The following FANCL variants were observed in gnomAD, a reference collection of about 807,000 sequenced individuals.
The protein encoded by FANCL is E3 ubiquitin-protein ligase FANCL.
FANCL carries 69 observed loss-of-function variants against 59.4 expected under a neutral mutation model. The ratio of observed to expected loss-of-function variants is 1.16; its 90% CI spans 0.96 to 1.42. The LOEUF is 1.42. Among genes scored for constraint, FANCL ranks in the 40% most tolerant of loss-of-function variants. The pLI, the probability that FANCL is intolerant of heterozygous loss-of-function variation, is 0.00. For synonymous variants in FANCL, 180 were observed against 147.1 expected, an observed-to-expected ratio of 1.22 and a Z score of -1.62; for missense variants, 519 against 447.2, an observed-to-expected ratio of 1.16 and a Z score of -1.45.
intron 1 of FANCL, among the ~76,000 whole-genome samples, chr2:58,238,353 C>T (rs1047981784): frequency 1.3e-5 from 2 of 152,120 alleles, no homozygotes; most frequent in African/African-American, 4.8e-5. Context: ...CCAAGTTGTT[C>T]GCAAATTTCA....
chr2:58,208,048 G>C (rs954870121), intron 5 of FANCL, among the ~76,000 whole-genome samples: 9 of 152,192 alleles, frequency 5.9e-5, no homozygotes, highest in African/African-American at 2.2e-4. Flanking sequence ...GAAAGACAGA[G>C]ACCATGTCAC....
intron 1 of FANCL, among the ~76,000 whole-genome samples, 183 bp downstream of exon 1, chr2:58,241,035 G>C (rs1158304612): frequency 2.0e-5 from 3 of 152,180 alleles, no homozygotes; most frequent in African/African-American, 7.2e-5. Flanking sequence ...CCAGCGCGGC[G>C]ACCACCGGGG....
chr2:58,200,577 T>A (rs919120571), intron 6 of FANCL, among the ~76,000 whole-genome samples: 2 of 151,998 alleles, frequency 1.3e-5, no homozygotes, highest in African/African-American at 4.8e-5. Context: ...ATAAGACTAA[T>A]GAAATGTTTA....
chr2:58,194,328 C>T (rs1489037979), intron 7 of FANCL: 6 of 470,162 alleles, frequency 1.3e-5, no homozygotes, highest in African/African-American at 1.2e-4. Context: ...CACTTAAAAT[C>T]TGACATTTAG....
chr2:58,176,078 T>G (rs1262976303), intron 7 of FANCL, among the ~76,000 whole-genome samples: 3 of 151,648 alleles, frequency 2.0e-5, no homozygotes, highest in African/African-American at 7.3e-5. Context: ...ACAAGGGATG[T>G]GAAGGACCTC....
In FANCL at chr2:58,159,542, C is replaced by A. The variant is rs371409919; in HGVS notation, c.*223G>T. ...TATAAATACACTTCCACAGTCAGCA[C>A]GGGGATCACAGACTTAGAAAGTTCA... On this transcript the variant is annotated 3_prime_UTR_variant, in exon 14 of 14. Coordinates refer to ENST00000233741, the MANE Select transcript of FANCL (RefSeq NM_018062.4). 9.3e-6 allele frequency: 15 copies of A among 1,613,630 alleles called. No individual in the cohort carries two copies. Among genetic ancestry groups the A allele is most frequent in the Non-Finnish European group, 1.3e-5 (15 of 1,179,784 alleles).
chr2:58,227,881 A>G (rs551375617), intron 3 of FANCL, among the ~76,000 whole-genome samples: 3 of 150,960 alleles, frequency 2.0e-5, no homozygotes, highest in African/African-American at 4.9e-5. Context: ...CAACCTCATC[A>G]TTACTTTTTT....
intron 13 of FANCL, 112 bp from the exon 14 acceptor site, chr2:58,159,912 C>A: frequency 6.5e-7 from 1 of 1,544,074 alleles, no homozygotes; most frequent in Middle Eastern, 2.4e-4. Context: ...TTGGAAAACA[C>A]TTCTGAAGTT....
intron 7 of FANCL, among the ~76,000 whole-genome samples, chr2:58,195,219 A>C (rs1164383031): frequency 6.6e-6 from 1 of 152,168 alleles, no homozygotes; most frequent in East Asian, 1.9e-4. Flanking sequence ...CTTATTTTCA[A>C]AACATAAACT....
intron 7 of FANCL, among the ~76,000 whole-genome samples, chr2:58,189,650 CTTA>C (rs1688734065): frequency 6.6e-6 from 1 of 152,068 alleles, no homozygotes; most frequent in African/African-American, 2.4e-5. Flanking sequence ...GAATGTAACG[CTTA>C]TTATCTTTAA....
Position 58,159,542 on chromosome 2 carries a change from CG to C in FANCL, c.*222del, listed in dbSNP as rs1684737314. 4 of 1,613,748 alleles carry C rather than the reference CG, an allele frequency of 2.5e-6. No individual in the cohort carries two copies. Among genetic ancestry groups the C allele is most frequent in the Non-Finnish European group, 3.4e-6 (4 of 1,179,776 alleles). On this transcript the variant is annotated 3_prime_UTR_variant, in exon 14 of 14. Transcript: ENST00000233741. Reference sequence around the variant, plus strand: ...TATAAATACACTTCCACAGTCAGCACGGGGATCACAGACTTAGAAAGTTCAA... The same window carrying C: ...TATAAATACACTTCCACAGTCAGCACGGGATCACAGACTTAGAAAGTTCAA...
At chr2:58,167,061 A>C (rs1686025459) in intron 7 of FANCL, among the ~76,000 whole-genome samples, 1 of 152,224 alleles carries the variant, frequency 6.6e-6, no homozygotes, top group South Asian at 2.1e-4. Context: ...AAAATACAAA[A>C]ATTAGCTGGG....
At chr2:58,174,022 G>A (rs1686984988) in intron 7 of FANCL, among the ~76,000 whole-genome samples, 1 of 152,110 alleles carries the variant, frequency 6.6e-6, no homozygotes, top group South Asian at 2.1e-4. Flanking sequence ...AACCAACAAA[G>A]ATCAAAAGAG....
intron 3 of FANCL, among the ~76,000 whole-genome samples, chr2:58,229,321 C>G: frequency 6.6e-6 from 1 of 151,938 alleles, no homozygotes; most frequent in Admixed American, 6.6e-5. Context: ...GGTAGAGGAA[C>G]CTAAACATTA....
At chr2:58,181,013 T>G (rs1023382966) in intron 7 of FANCL, among the ~76,000 whole-genome samples, 2 of 152,038 alleles carry the variant, frequency 1.3e-5, no homozygotes, top group African/African-American at 4.8e-5. Context: ...GACAATTTCT[T>G]TAAGAACTAA....
chr2:58,163,818 G>A (rs1054852021), intron 8 of FANCL, among the ~76,000 whole-genome samples: 17 of 151,790 alleles, frequency 1.1e-4, no homozygotes, highest in Non-Finnish European at 2.4e-4. Context: ...GAGTGATAAA[G>A]GTCTTTAATA....
intron 1 of FANCL, among the ~76,000 whole-genome samples, chr2:58,236,694 T>C (rs756748685): frequency 3.9e-5 from 6 of 151,964 alleles, no homozygotes; most frequent in Non-Finnish European, 5.9e-5. Context: ...GACTATCATA[T>C]TGCATAACAA....
At chr2:58,180,882 G>A (rs949027283) in intron 7 of FANCL, among the ~76,000 whole-genome samples, 3 of 151,938 alleles carry the variant, frequency 2.0e-5, no homozygotes, top group Non-Finnish European at 2.9e-5. Flanking sequence ...AAAAAAAAGT[G>A]AGAGTACTAA....
Position 58,159,482 on chromosome 2 carries a change from C to G in FANCL, c.*283G>C. Reference sequence around the variant, plus strand: ...GAGCCTCATCAAGATTTTACCAGTCCAGATATATTCAAGAAGTCAAGATCT... The same window carrying G: ...GAGCCTCATCAAGATTTTACCAGTCGAGATATATTCAAGAAGTCAAGATCT... On this transcript the variant is annotated 3_prime_UTR_variant, in exon 14 of 14. Transcript: ENST00000233741. 2 of 1,613,608 alleles carry G rather than the reference C, an allele frequency of 1.2e-6. No individual in the cohort carries two copies. Among genetic ancestry groups the G allele is most frequent in the Non-Finnish European group, 1.7e-6 (2 of 1,179,736 alleles).
Sources: gnomAD v4.1 joint callset for allele counts (sites outside exome capture counted in the v4.1 genomes callset) on GRCh38, gnomAD v4.1.1 for gene constraint, MANE v1.5 for transcripts, NCBI Gene and HGNC (gene_info 2026-07-23, HGNC 2026-07-21) for gene names.